The following SSH2 variants were observed in gnomAD, a reference collection of about 807,000 sequenced individuals.
SSH2 encodes the protein slingshot protein phosphatase 2.
Under a neutral mutation model 135.2 loss-of-function variants are expected in SSH2, and 37 were observed. That is an observed-to-expected ratio of 0.27 (90% CI 0.21 to 0.36). The LOEUF (loss-of-function observed/expected upper bound fraction) is 0.36, where lower values mean the gene tolerates loss of function less well. Ranked by LOEUF, SSH2 falls within the 10% of genes least tolerant of loss-of-function variation. The pLI is 1.00. For missense variants in SSH2, 1,408 were observed against 1,765.3 expected (o/e 0.80, Z 3.63); for synonymous variants, 628 against 646.2 (o/e 0.97, Z 0.43).
chr17:29,636,491 C>A lies in SSH2; in HGVS notation c.1739G>T (p.Gly580Val), dbSNP rs1486218006. The A allele has an allele frequency of 6.2e-7, 1 of 1,614,166 alleles. No individual in the cohort carries two copies. The change falls in exon 15 of 16, where the codon GGA (glycine) becomes GTA (valine). Residue 580 changes from glycine to valine, a missense_variant. Around this residue, in one of 3 missense-constraint regions of SSH2, gnomAD observed 1,080 missense variants for 1,144.5 expected, o/e 0.94. Coordinates refer to ENST00000540801, the MANE Select transcript of SSH2 (RefSeq NM_001282129.2). Reference sequence around the variant, plus strand: ...ATTCAGACAACACCCTGATGAGCATCCATTGATGTCATTTAAGTTTAATTC... The same window carrying A: ...ATTCAGACAACACCCTGATGAGCATACATTGATGTCATTTAAGTTTAATTC... Reference protein sequence around the residue: ...EDELNLNDINGCSSGCCLNES... With the variant: ...EDELNLNDINVCSSGCCLNES...
intron 2 of SSH2, among the ~76,000 whole-genome samples, chr17:29,815,296 G>A (rs1300243739): frequency 2.6e-5 from 4 of 151,868 alleles, no homozygotes; most frequent in Non-Finnish European, 2.9e-5. Flanking sequence ...GCTAACTTTT[G>A]TATTTTTAGC....
In SSH2 at chr17:29,930,227, A is replaced by G. The variant is rs2067166588; in HGVS notation, c.-227T>C. On this transcript the variant is annotated 5_prime_UTR_variant, in exon 1 of 16. Transcript: ENST00000540801. ...GGCGGTTCCGCAGCTGCGGGGCACA[A>G]TGAGCGCTCCCAGTGCGCAGGCGCC... The G allele has an allele frequency of 7.3e-6, 4 of 546,976 alleles. No individual in the cohort carries two copies. The South Asian group carries it at 8.9e-5, about 12-fold the overall frequency. 33.9% of individuals were successfully genotyped at this position (546,976 alleles called of 1,614,324 possible).
At chr17:29,734,210 C>T (rs181843962) in intron 3 of SSH2, among the ~76,000 whole-genome samples, 19 of 152,142 alleles carry the variant, frequency 1.2e-4, no homozygotes, top group African/African-American at 2.9e-4. Context: ...CATGAGCCAC[C>T]GCATCTGGCC....
At chr17:29,845,417 T>C (rs551379400) in intron 2 of SSH2, among the ~76,000 whole-genome samples, 1 of 152,096 alleles carries the variant, frequency 6.6e-6, no homozygotes, top group South Asian at 2.1e-4. Context: ...GTGTGGGAAA[T>C]ACTCCCTGAA....
rs551983945 is a variant in SSH2 at position 29,856,141 on chromosome 17, C to T, written c.64-7212G>A. On this transcript the variant is annotated intron_variant, in intron 1 of 15. Coordinates refer to ENST00000540801, the MANE Select transcript of SSH2 (RefSeq NM_001282129.2). Reference sequence around the variant, plus strand: ...TACATCTGGATGGTTTAGATAAGGCCGGGTGTTGCTTATTAAGTTATCTTA... The same window carrying T: ...TACATCTGGATGGTTTAGATAAGGCTGGGTGTTGCTTATTAAGTTATCTTA... 2.1e-5 allele frequency: 6 copies of T among 286,174 alleles called. No homozygotes were observed. The East Asian group carries it at 3.6e-4, about 17-fold the overall frequency. The allele number at this position is 286,174 out of a possible 1,614,324, so 17.7% of individuals were successfully genotyped here.
At chr17:29,706,465 TGCACAA>T (rs1185580476) in intron 3 of SSH2, among the ~76,000 whole-genome samples, 1 of 152,218 alleles carries the variant, frequency 6.6e-6, no homozygotes, top group Non-Finnish European at 1.5e-5. Context: ...TGTGGTCTGT[TGCACAA>T]GCCTTCTCTC....
At chr17:29,860,046 C>A (rs1851738855) in intron 1 of SSH2, among the ~76,000 whole-genome samples, 1 of 152,084 alleles carries the variant, frequency 6.6e-6, no homozygotes, top group African/African-American at 2.4e-5. Flanking sequence ...TAGGGTTTCA[C>A]CATGTTGACC....
At chr17:29,848,511 A>C (rs1173346449) in intron 2 of SSH2, among the ~76,000 whole-genome samples, 1 of 152,164 alleles carries the variant, frequency 6.6e-6, no homozygotes. Context: ...ACTATTGACC[A>C]TTAAAAAAAT....
At chr17:29,734,637 T>C (rs2040306912) in intron 3 of SSH2, among the ~76,000 whole-genome samples, 1 of 152,210 alleles carries the variant, frequency 6.6e-6, no homozygotes, top group Non-Finnish European at 1.5e-5. Flanking sequence ...AGTAACAACC[T>C]TAAATCATTT....
chr17:29,875,201 C>T (rs1306852711), intron 1 of SSH2, among the ~76,000 whole-genome samples: 1 of 152,100 alleles, frequency 6.6e-6, no homozygotes, highest in Non-Finnish European at 1.5e-5. Context: ...GAACTATACT[C>T]CCCACTTCAA....
rs73987117 is a variant in SSH2 at position 29,659,135 on chromosome 17, C to T, written c.1033-3528G>A. ...ACTAAATGTAACAGTTCATAGAGAT[C>T]TTATTTTTTCCTACATCTGCATAGT... On this transcript the variant is annotated intron_variant, in intron 11 of 15. Coordinates refer to ENST00000540801, the MANE Select transcript of SSH2 (RefSeq NM_001282129.2). Among the ~76,000 whole-genome samples, 1,214 of 152,204 alleles carry T rather than the reference C, an allele frequency of 8.0e-3. 18 individuals are homozygous for T. The highest frequency in any genetic ancestry group is 0.028 in the African/African-American group (1,168 of 41,522).
intron 1 of SSH2, among the ~76,000 whole-genome samples, chr17:29,853,931 T>C (rs1284033100): frequency 6.6e-6 from 1 of 151,206 alleles, no homozygotes; most frequent in African/African-American, 2.4e-5. Flanking sequence ...CATAGCAAGA[T>C]AGGTGTCTCT....
At chr17:29,698,932 C>T (rs2038870598) in intron 4 of SSH2, among the ~76,000 whole-genome samples, 1 of 152,154 alleles carries the variant, frequency 6.6e-6, no homozygotes, top group African/African-American at 2.4e-5. Flanking sequence ...ACTACTGGCC[C>T]AAAGATTCAG....
intron 3 of SSH2, among the ~76,000 whole-genome samples, chr17:29,787,162 T>A (rs2041982583): frequency 6.6e-6 from 1 of 152,204 alleles, no homozygotes; most frequent in Admixed American, 6.5e-5. Context: ...CATCCCCCAG[T>A]CACCATTATT....
In SSH2 at chr17:29,631,954, G is replaced by C. The variant is rs1389693288; in HGVS notation, c.3240C>G (p.Leu1080=). The change falls in exon 16 of 16, where the codon CTC becomes CTG. Residue 1080 remains leucine (L), a synonymous_variant. Coordinates refer to ENST00000540801, the MANE Select transcript of SSH2 (RefSeq NM_001282129.2). ...KVNMEKSVTV[L]CTLDENLNRT... Reference sequence around the variant, plus strand: ...TGTTTAGATTTTCATCCAGTGTGCAGAGCACAGTGACAGATTTTTCCATGT... The same window carrying C: ...TGTTTAGATTTTCATCCAGTGTGCACAGCACAGTGACAGATTTTTCCATGT... The C allele has an allele frequency of 1.9e-6, 3 of 1,614,094 alleles. No individual in the cohort carries two copies. In the African/African-American group the frequency reaches 4.0e-5, roughly 22 times the overall value.
intron 6 of SSH2, among the ~76,000 whole-genome samples, chr17:29,684,264 T>C (rs866341499): frequency 3.3e-5 from 5 of 152,094 alleles, no homozygotes; most frequent in Non-Finnish European, 5.9e-5. Flanking sequence ...GGTGGATCAC[T>C]TGAGGTCAGG....
intron 12 of SSH2, among the ~76,000 whole-genome samples, chr17:29,651,972 G>A (rs1170285961): frequency 3.3e-5 from 5 of 152,114 alleles, no homozygotes; most frequent in East Asian, 1.9e-4. Flanking sequence ...GTGAAACCCC[G>A]TATCTACTAA....
chr17:29,709,021 G>T (rs201180814), intron 3 of SSH2, among the ~76,000 whole-genome samples: 12,646 of 85,152 alleles, frequency 0.15, 614 homozygotes, highest in Non-Finnish European at 0.16. Flanking sequence ...TATATAGAGA[G>T]AGAGAGAGAG....
chr17:29,667,248 T>C (rs551173682), intron 9 of SSH2, 25 bp from the exon 10 acceptor site: 3 of 1,366,402 alleles, frequency 2.2e-6, no homozygotes, highest in East Asian at 4.6e-5. Context: ...ATAACGATTA[T>C]TCTTAAACGA....
Sources: allele counts gnomAD v4.1 joint callset (sites outside exome capture counted in the v4.1 genomes callset), GRCh38; gene constraint gnomAD v4.1.1; regional missense constraint gnomAD v4.1.1; transcripts MANE v1.5; gene names NCBI Gene and HGNC (gene_info 2026-07-23, HGNC 2026-07-21).